APBB2: variants seen among roughly 807,000 people sequenced by gnomAD.
APBB2 encodes amyloid beta precursor protein binding family B member 2, also known as Fe65-like 1.
Under a neutral mutation model 82.5 loss-of-function variants are expected in APBB2, and 38 were observed. The ratio of observed to expected loss-of-function variants is 0.46; its 90% confidence interval spans 0.36 to 0.60. APBB2 has a LOEUF of 0.60. Among genes scored for constraint, APBB2 ranks in the 20% least tolerant of loss-of-function variants. The probability of loss-of-function intolerance (pLI) is 0.00; values close to 1 mark genes in which losing one functional copy is unlikely to be tolerated. For missense variants in APBB2, 772 were observed against 972.3 expected, an observed-to-expected ratio of 0.79 and a Z score of 2.74; for synonymous variants, 341 against 368.2, an observed-to-expected ratio of 0.93 and a Z score of 0.85.
chr4:40,856,451 GA>G (rs772224325), intron 12 of APBB2, among the ~76,000 whole-genome samples: 1 of 152,244 alleles, frequency 6.6e-6, no homozygotes, highest in Non-Finnish European at 1.5e-5. Context: ...TGGGGAATTT[GA>G]GATATTTTCT....
intron 1 of APBB2, among the ~76,000 whole-genome samples, chr4:41,210,553 C>T (rs1779071877): frequency 6.6e-6 from 1 of 152,328 alleles, no homozygotes; most frequent in Non-Finnish European, 1.5e-5. Context: ...AGAATATGCA[C>T]TAATAACACA....
chr4:40,812,031 G>A lies in APBB2; in HGVS notation c.*4061C>T, dbSNP rs962051304. Reference sequence around the variant, plus strand: ...TAGCAAGACCGCTTACAAAAGACTCGAGTTGGTGACTAAATAGGCTTCTAT... The same window carrying A: ...TAGCAAGACCGCTTACAAAAGACTCAAGTTGGTGACTAAATAGGCTTCTAT... On this transcript the variant is annotated 3_prime_UTR_variant, in exon 18 of 18. Coordinates refer to ENST00000508593, the MANE Select transcript of APBB2 (RefSeq NM_004307.2). The A allele has an allele frequency of 3.9e-5, 6 of 152,150 alleles. No individual in the cohort carries two copies. Among genetic ancestry groups the A allele is most frequent in the Admixed American group, 3.3e-4 (5 of 15,276 alleles). The allele number at this position is 152,150 out of a possible 1,614,324, so 9.4% of individuals were successfully genotyped here.
At chr4:40,979,960 T>C (rs1282132562) in intron 6 of APBB2, among the ~76,000 whole-genome samples, 1 of 152,206 alleles carries the variant, frequency 6.6e-6, no homozygotes, top group Non-Finnish European at 1.5e-5. Context: ...AGAAAACTAA[T>C]ATAAGACACC....
intron 1 of APBB2, among the ~76,000 whole-genome samples, chr4:41,213,084 GA>G (rs35220290): frequency 0.34 from 42,698 of 126,600 alleles, 6,572 homozygotes; most frequent in East Asian, 0.41. Flanking sequence ...ACCATGACAA[GA>G]AAAAAAAAAA....
At chr4:41,126,098 G>A (rs889030878) in intron 2 of APBB2, among the ~76,000 whole-genome samples, 1 of 151,978 alleles carries the variant, frequency 6.6e-6, no homozygotes, top group Admixed American at 6.6e-5. Flanking sequence ...TGATCAGAAA[G>A]GCCAGGCACA....
chr4:41,099,556 C>T (rs757643658), intron 3 of APBB2, among the ~76,000 whole-genome samples: 1 of 151,952 alleles, frequency 6.6e-6, no homozygotes, highest in African/African-American at 2.4e-5. Flanking sequence ...AGACCCTTAC[C>T]TTATTATAAT....
At position 41,013,636 on chromosome 4, in the gene APBB2, C is replaced by G. The variant is rs374767485; in HGVS notation, c.782G>C (p.Ser261Thr). The G allele has an allele frequency of 2.5e-6, 4 of 1,614,102 alleles. No individual in the cohort carries two copies. The highest frequency in any genetic ancestry group is 3.4e-6 in the Non-Finnish European group (4 of 1,180,040). The change falls in exon 6 of 18, where the codon AGC (serine) becomes ACC (threonine). Residue 261 changes from serine (S) to threonine (T), a missense_variant. Transcript: ENST00000508593. ...ACTGTCTTGGGACAACGTTGTCCAG[C>G]TGGACTCCTCATCGCTCGGTGCCAG... Reference protein sequence around the residue: ...QNLAPSDEESSWTTLSQDSAS... With the variant: ...QNLAPSDEESTWTTLSQDSAS...
chr4:40,833,787 AG>A (rs1448806056), intron 12 of APBB2, among the ~76,000 whole-genome samples: 2 of 152,158 alleles, frequency 1.3e-5, no homozygotes, highest in Non-Finnish European at 2.9e-5. Context: ...ATTCTCTGAT[AG>A]AAGCCTCCAA....
Position 40,826,336 on chromosome 4 carries a change from T to C in APBB2, c.1733-366A>G, listed in dbSNP as rs139436241. 3.8e-3 allele frequency among the ~76,000 whole-genome samples: 572 copies of C among 151,836 alleles called. 6 individuals are homozygous for C. Among genetic ancestry groups the C allele is most frequent in the African/African-American group, 0.013 (534 of 41,416 alleles). On this transcript the variant is annotated intron_variant, in intron 14 of 17. Transcript: ENST00000508593. This position sits in a 1 kb window ranked among gnomAD's most constrained non-coding sequence, Gnocchi z 4.5. Reference sequence around the variant, plus strand: ...ACCTCAAAGGGCACAATCAGAGACATAGGAAGATAACTGAGTTCCCCCAGT... The same window carrying C: ...ACCTCAAAGGGCACAATCAGAGACACAGGAAGATAACTGAGTTCCCCCAGT...
At chr4:41,064,243 G>A (rs1414161604) in intron 4 of APBB2, among the ~76,000 whole-genome samples, 3 of 152,084 alleles carry the variant, frequency 2.0e-5, no homozygotes, top group African/African-American at 7.2e-5. Flanking sequence ...CTCCCAAAGT[G>A]CTGGGATTAC....
chr4:41,006,195 T>TA (rs1560506613), intron 6 of APBB2, among the ~76,000 whole-genome samples: 1 of 152,146 alleles, frequency 6.6e-6, no homozygotes, highest in African/African-American at 2.4e-5. Context: ...GGGGGTAAAA[T>TA]AAAAAATACT....
At chr4:41,103,626 A>G (rs1431826457) in intron 2 of APBB2, among the ~76,000 whole-genome samples, 1 of 152,204 alleles carries the variant, frequency 6.6e-6, no homozygotes, top group East Asian at 1.9e-4. Flanking sequence ...ATAAGAAAAA[A>G]GACTAGAAAG....
At chr4:41,091,720 G>A (rs1040516840) in intron 3 of APBB2, among the ~76,000 whole-genome samples, 3 of 152,102 alleles carry the variant, frequency 2.0e-5, no homozygotes, top group African/African-American at 7.2e-5. Flanking sequence ...CCACAACACT[G>A]TGATTATATA....
chr4:40,839,076 AT>A (rs1052755551), intron 12 of APBB2, among the ~76,000 whole-genome samples: 13 of 151,952 alleles, frequency 8.6e-5, no homozygotes, highest in South Asian at 2.1e-4. Flanking sequence ...TTTATATACT[AT>A]TTTTCACTTT....
chr4:41,071,185 G>A (rs1733758123), intron 3 of APBB2, among the ~76,000 whole-genome samples: 1 of 152,114 alleles, frequency 6.6e-6, no homozygotes, highest in African/African-American at 2.4e-5. Context: ...AGCATTTCCT[G>A]CTGTTGACCT....
chr4:41,084,529 A>T (rs1485719829), intron 3 of APBB2: 1 of 152,254 alleles, frequency 6.6e-6, no homozygotes, highest in East Asian at 1.9e-4. Flanking sequence ...ACAGAGGACA[A>T]GTGTTCATCA....
At chr4:41,187,028 A>T (rs556625893) in intron 1 of APBB2, among the ~76,000 whole-genome samples, 1 of 152,364 alleles carries the variant, frequency 6.6e-6, no homozygotes, top group African/African-American at 2.4e-5. Context: ...TCAATATGAG[A>T]ATGCTATTTT....
intron 5 of APBB2, among the ~76,000 whole-genome samples, chr4:41,019,915 A>G (rs1579295170): frequency 6.6e-6 from 1 of 152,056 alleles, no homozygotes; most frequent in Admixed American, 6.6e-5. Flanking sequence ...AGAGACAAAG[A>G]GAAGGAGACA....
intron 7 of APBB2, among the ~76,000 whole-genome samples, chr4:40,943,964 T>C (rs1787696122): frequency 6.6e-6 from 1 of 152,232 alleles, no homozygotes; most frequent in Non-Finnish European, 1.5e-5. Flanking sequence ...ATCAAAGATT[T>C]AGGAAATAAG....
Sources: allele counts gnomAD v4.1 joint callset (sites outside exome capture counted in the v4.1 genomes callset), GRCh38; gene constraint gnomAD v4.1.1; non-coding constraint Gnocchi (gnomAD v3.1); transcripts MANE v1.5; gene names NCBI Gene and HGNC (gene_info 2026-07-23, HGNC 2026-07-21).